GSG1L: variants seen among roughly 807,000 people sequenced by gnomAD.
The protein encoded by GSG1L is GSG1 like.
In GSG1L, 24 loss-of-function variants were observed where a neutral mutation model predicts 42.1. The observed-to-expected ratio is 0.57, with a 90% CI of 0.41 to 0.80. The LOEUF (loss-of-function observed/expected upper bound fraction) is 0.80. Among genes scored for constraint, GSG1L ranks in the 30% least tolerant of loss-of-function variants. GSG1L has a pLI of 0.00. For missense variants in GSG1L, 445 were observed against 472.2 expected, an observed-to-expected ratio of 0.94 and a Z score of 0.53; for synonymous variants, 215 against 203.5, an observed-to-expected ratio of 1.06 and a Z score of -0.48.
At chr16:27,881,977 T>C (rs542591135) in intron 3 of GSG1L, among the ~76,000 whole-genome samples, 2 of 152,242 alleles carry the variant, frequency 1.3e-5, no homozygotes, top group South Asian at 4.1e-4. Context: ...CCACTTCATC[T>C]GTGCTCCACC....
chr16:27,963,952 G>C (rs185289376), intron 1 of GSG1L, among the ~76,000 whole-genome samples: 1 of 152,200 alleles, frequency 6.6e-6, no homozygotes, highest in South Asian at 2.1e-4. Context: ...AACTGGAAGG[G>C]AGGATTTAAA....
At chr16:27,902,934 G>C (rs2084278424) in intron 2 of GSG1L, among the ~76,000 whole-genome samples, 1 of 152,158 alleles carries the variant, frequency 6.6e-6, no homozygotes, top group South Asian at 2.1e-4. Context: ...CTGCAGCTGG[G>C]AGGTGGCAGT....
intron 1 of GSG1L, among the ~76,000 whole-genome samples, chr16:28,007,185 C>G (rs2141150950): frequency 6.6e-6 from 1 of 152,234 alleles, no homozygotes; most frequent in South Asian, 2.1e-4. Flanking sequence ...GGATCGAGAG[C>G]TGGGGAGATT....
At chr16:27,971,715 T>C (rs1234424913) in intron 1 of GSG1L, among the ~76,000 whole-genome samples, 1 of 152,202 alleles carries the variant, frequency 6.6e-6, no homozygotes, top group Non-Finnish European at 1.5e-5. Context: ...ATCCTCATCT[T>C]GTTCCTGATC....
At chr16:27,964,694 T>C (rs1181259212) in intron 1 of GSG1L, among the ~76,000 whole-genome samples, 1 of 152,212 alleles carries the variant, frequency 6.6e-6, no homozygotes, top group African/African-American at 2.4e-5. Context: ...TTGCATGTTC[T>C]TACTTATTTG....
At position 28,041,856 on chromosome 16, in the gene GSG1L, G is replaced by A. The variant is rs866275018; in HGVS notation, c.349+21220C>T. ...CTTACCCTCTCAGCCTCGTGCCCTC[G>A]CTGGGCATCGCAGATGTTGAATGGC... is the stretch of plus-strand genomic sequence containing the variant. On this transcript the variant is annotated intron_variant, in intron 1 of 6. Transcript: ENST00000447459. 2.7e-4 allele frequency among the ~76,000 whole-genome samples: 41 copies of A among 152,276 alleles called. No individual in the cohort carries two copies. The Middle Eastern group carries it at 0.01, about 38-fold the overall frequency.
intron 3 of GSG1L, among the ~76,000 whole-genome samples, chr16:27,871,904 T>G (rs1447604682): frequency 1.3e-5 from 2 of 152,220 alleles, no homozygotes; most frequent in Non-Finnish European, 2.9e-5. Context: ...GAAGAGCGAC[T>G]GCTAGTGGCA....
At position 27,979,642 on chromosome 16, in the gene GSG1L, G is replaced by GGAAA. The variant is rs200521273; in HGVS notation, c.350-16443_350-16440dup. Among the ~76,000 whole-genome samples the GGAAA allele has an allele frequency of 8.0e-3, 450 of 55,958 alleles. 31 individuals carry two copies. The highest frequency in any genetic ancestry group is 0.011 in the South Asian group (7 of 662). The allele number at this position is 55,958 out of a possible 152,430, so 36.7% of individuals were successfully genotyped here. A position where few individuals can be genotyped will look rare whatever the true frequency, so the allele number is the denominator to read the frequency against. ...GAAAGGGAGATGGGCAGGAGGGAGGGGAAAGAAAGAAAGAAAGAAAGAGAG... is the reference window on the plus strand; with the variant it reads ...GAAAGGGAGATGGGCAGGAGGGAGGGGAAAGAAAGAAAGAAAGAAAGAAAGAGAG... On this transcript the variant is annotated intron_variant, in intron 1 of 6. Transcript: ENST00000447459.
intron 2 of GSG1L, among the ~76,000 whole-genome samples, chr16:27,920,621 C>T (rs1289183940): frequency 6.6e-6 from 1 of 152,240 alleles, no homozygotes; most frequent in Non-Finnish European, 1.5e-5. Context: ...GGGCCGGTCA[C>T]TTGCTATAGC....
intron 3 of GSG1L, among the ~76,000 whole-genome samples, chr16:27,856,088 G>A (rs2083573861): frequency 6.6e-6 from 1 of 152,092 alleles, no homozygotes; most frequent in African/African-American, 2.4e-5. Flanking sequence ...TGATGTCAGG[G>A]CTGTCCTAGG....
At chr16:27,972,807 T>G (rs2085207881) in intron 1 of GSG1L, among the ~76,000 whole-genome samples, 1 of 152,168 alleles carries the variant, frequency 6.6e-6, no homozygotes, top group Non-Finnish European at 1.5e-5. Context: ...TTTTAAAAGC[T>G]CCCAGGTGAT....
intron 1 of GSG1L, among the ~76,000 whole-genome samples, chr16:27,994,210 A>G (rs1486728786): frequency 6.6e-6 from 1 of 152,178 alleles, no homozygotes; most frequent in Non-Finnish European, 1.5e-5. Context: ...GATAGGAGAA[A>G]GGCTTGAACC....
At chr16:28,020,622 C>T (rs756665239) in intron 1 of GSG1L, among the ~76,000 whole-genome samples, 5 of 152,166 alleles carry the variant, frequency 3.3e-5, no homozygotes, top group Non-Finnish European at 5.9e-5. Context: ...GCCCTTTTGC[C>T]GTCCTCTGTC....
chr16:27,912,302 C>T (rs1420383621), intron 2 of GSG1L, among the ~76,000 whole-genome samples: 2 of 152,080 alleles, frequency 1.3e-5, no homozygotes, highest in African/African-American at 4.8e-5. Flanking sequence ...TCGCTTAAGC[C>T]CAGGAGTTTG....
intron 1 of GSG1L, among the ~76,000 whole-genome samples, chr16:27,963,505 A>G (rs2085094419): frequency 6.6e-6 from 1 of 152,018 alleles, no homozygotes; most frequent in Non-Finnish European, 1.5e-5. Flanking sequence ...TGGCCTCCCC[A>G]GGCCTCCACT....
intron 1 of GSG1L, among the ~76,000 whole-genome samples, chr16:27,970,106 T>A (rs1277036608): frequency 6.6e-6 from 1 of 151,964 alleles, no homozygotes; most frequent in Non-Finnish European, 1.5e-5. Flanking sequence ...TGCATACAAG[T>A]CCCTTATCAG....
At chr16:27,934,313 G>A (rs1470720825) in intron 2 of GSG1L, among the ~76,000 whole-genome samples, 2 of 152,208 alleles carry the variant, frequency 1.3e-5, no homozygotes, top group Non-Finnish European at 1.5e-5. Context: ...GGAGGCCAAG[G>A]TGGGAGGATC....
At chr16:27,863,820 G>C (rs1332590990) in intron 3 of GSG1L, among the ~76,000 whole-genome samples, 1 of 152,204 alleles carries the variant, frequency 6.6e-6, no homozygotes, top group African/African-American at 2.4e-5. Flanking sequence ...CCTCATTGAA[G>C]ACCCACAGTA....
chr16:28,052,751 A>G (rs1464925035), intron 1 of GSG1L, among the ~76,000 whole-genome samples: 1 of 152,238 alleles, frequency 6.6e-6, no homozygotes, highest in Non-Finnish European at 1.5e-5. Context: ...CTGCAACAGC[A>G]TAGCCCAGGC....
Sources: allele counts gnomAD v4.1 joint callset (sites outside exome capture counted in the v4.1 genomes callset), GRCh38; gene constraint gnomAD v4.1.1; transcripts MANE v1.5; gene names NCBI Gene and HGNC (gene_info 2026-07-23, HGNC 2026-07-21).